Variants in TLK2 observed in about 807,000 individuals in gnomAD.
The protein encoded by TLK2 is serine/threonine-protein kinase tousled-like 2.
Under a neutral mutation model 117.3 loss-of-function variants are expected in TLK2, and 6 were observed. The observed-to-expected ratio is 0.05, with a 90% CI of 0.03 to 0.10. The LOEUF (loss-of-function observed/expected upper bound fraction) is 0.10. Ranked by LOEUF, TLK2 falls within the 10% of genes least tolerant of loss-of-function variation. The pLI is 1.00. For synonymous variants in TLK2, 257 were observed against 316.7 expected (o/e 0.81, Z 2.00); for missense variants, 299 against 901.2 (o/e 0.33, Z 8.56).
At chr17:62,555,270 A>G (rs2078769181) in intron 9 of TLK2, among the ~76,000 whole-genome samples, 1 of 152,078 alleles carries the variant, frequency 6.6e-6, no homozygotes, top group Admixed American at 6.6e-5. Context: ...TTGTTTGAAT[A>G]TATGTTTAAT....
upstream of TLK2, among the ~76,000 whole-genome samples, chr17:62,475,696 G>A (rs1488692732): frequency 1.3e-5 from 2 of 148,864 alleles, no homozygotes; most frequent in East Asian, 4.1e-4. Flanking sequence ...GTCTCGCTCT[G>A]TCACCCAGGC....
chr17:62,546,341 A>ATTTTTTTTTTTTTTT (rs1385208928), intron 7 of TLK2, among the ~76,000 whole-genome samples: 10 of 8,864 alleles, frequency 1.1e-3, no homozygotes, highest in Non-Finnish European at 2.5e-3. Context: ...GAGTTTGTTG[A>ATTTTTTTTTTTTTTT]TTGTTTTTTT....
chr17:62,602,786 T>G (rs1219847709), intron 19 of TLK2, among the ~76,000 whole-genome samples: 1 of 152,228 alleles, frequency 6.6e-6, no homozygotes, highest in Non-Finnish European at 1.5e-5. Flanking sequence ...CCAAGCTACC[T>G]CTGCCTGCCA....
chr17:62,508,603 A>G, intron 2 of TLK2: 3 of 951,628 alleles, frequency 3.2e-6, no homozygotes, highest in Non-Finnish European at 2.5e-6. Flanking sequence ...GTTGTTAGTT[A>G]TATGAAAGTC....
intron 6 of TLK2, among the ~76,000 whole-genome samples, chr17:62,528,482 T>A (rs2076524785): frequency 6.6e-6 from 1 of 152,122 alleles, no homozygotes; most frequent in Non-Finnish European, 1.5e-5. Context: ...AGTGGCGCAA[T>A]CTTGGCTCAC....
intron 1 of TLK2, among the ~76,000 whole-genome samples, chr17:62,471,439 C>G (rs539093100): frequency 6.6e-6 from 1 of 152,292 alleles, no homozygotes; most frequent in South Asian, 2.1e-4. Flanking sequence ...AATGCTCAAT[C>G]TAATTAAGGC....
chr17:62,548,240 A>ATATATATGTG (rs368516607), intron 7 of TLK2, among the ~76,000 whole-genome samples: 94 of 121,288 alleles, frequency 7.8e-4, no homozygotes, highest in Middle Eastern at 4.7e-3. Flanking sequence ...ATATATATAT[A>ATATATATGTG]TGTGTGTGTG....
At chr17:62,508,987 C>G (rs1201285277) in intron 2 of TLK2, among the ~76,000 whole-genome samples, 2 of 151,600 alleles carry the variant, frequency 1.3e-5, no homozygotes, top group Admixed American at 1.3e-4. Flanking sequence ...AACAACAAAA[C>G]CAGAATAGAC....
intron 7 of TLK2, among the ~76,000 whole-genome samples, chr17:62,546,347 T>TTTTTTTTTTTTTTG (rs1555628585): frequency 3.4e-5 from 2 of 59,314 alleles, no homozygotes; most frequent in African/African-American, 9.4e-5. Flanking sequence ...GTTGATTGTT[T>TTTTTTTTTTTTTTG]TTTTTTTTTT....
At chr17:62,525,126 TCC>T (rs1398623189) in intron 6 of TLK2, among the ~76,000 whole-genome samples, 1 of 152,210 alleles carries the variant, frequency 6.6e-6, no homozygotes, top group Non-Finnish European at 1.5e-5. Flanking sequence ...GTGTGCTCTA[TCC>T]CCTAATACCT....
At chr17:62,576,917 T>G (rs1010116415) in intron 13 of TLK2, 142 bp downstream of exon 13, 1 of 601,362 alleles carries the variant, frequency 1.7e-6, no homozygotes, top group Non-Finnish European at 3.0e-6. Context: ...CACTGTCATG[T>G]CTTGTAGCCT....
chr17:62,486,300 G>A (rs1398802787), intron 2 of TLK2, among the ~76,000 whole-genome samples: 1 of 152,064 alleles, frequency 6.6e-6, no homozygotes, highest in Non-Finnish European at 1.5e-5. Flanking sequence ...TAGGACTACA[G>A]GCGTGTGCCA....
rs570697944 is a variant in TLK2 at position 62,564,754 on chromosome 17, A to C, written c.832-247A>C. On this transcript the variant is annotated intron_variant, in intron 10 of 21. Transcript: ENST00000346027. The stretch of plus-strand genomic sequence containing the variant: ...ACCAACCAAACAAACAAAAAACCCC[A>C]CACACACATAGGCAGATTGGGAAAG... Among the ~76,000 whole-genome samples, 25 of 151,942 alleles carry C rather than the reference A, an allele frequency of 1.6e-4. No individual in the cohort carries two copies. In the East Asian group the frequency reaches 3.3e-3, roughly 20 times the overall value.
At position 62,600,838 on chromosome 17, in the gene TLK2, G is replaced by A; in HGVS notation, c.1720+18G>A. ...CAAACCAGGTATGTCTAACTTTTAG[G>A]AGACAGTATTAGTGGGTTTTCTTTG... On this transcript the variant is annotated intron_variant, in intron 18 of 21. Transcript: ENST00000346027. 6.3e-7 allele frequency: 1 copy of A among 1,586,486 alleles called. No homozygotes were observed. The highest frequency in any genetic ancestry group is 8.5e-7 in the Non-Finnish European group (1 of 1,169,592).
intron 7 of TLK2, among the ~76,000 whole-genome samples, chr17:62,548,106 T>G (rs1370543224): frequency 6.6e-6 from 1 of 152,108 alleles, no homozygotes; most frequent in Non-Finnish European, 1.5e-5. Context: ...AGCATGGTGT[T>G]AAGGAAAGTG....
chr17:62,563,003 A>G (rs2079421641), intron 10 of TLK2, among the ~76,000 whole-genome samples: 4 of 152,196 alleles, frequency 2.6e-5, no homozygotes, highest in Admixed American at 1.3e-4. Context: ...TTGTATGAGA[A>G]TATTCATGGG....
intron 16 of TLK2, among the ~76,000 whole-genome samples, chr17:62,592,161 G>A (rs548798884): frequency 4.6e-5 from 7 of 151,802 alleles, no homozygotes; most frequent in East Asian, 1.9e-4. Context: ...GTTTCTCCAC[G>A]TTGGTCAGGC....
chr17:62,496,923 C>T (rs564317695), intron 2 of TLK2, among the ~76,000 whole-genome samples: 1 of 148,556 alleles, frequency 6.7e-6, no homozygotes, highest in East Asian at 2.0e-4. Flanking sequence ...CGCCACTGCA[C>T]TCCAGCCTGG....
chr17:62,559,157 A>G (rs1239455704), intron 9 of TLK2, among the ~76,000 whole-genome samples: 1 of 152,118 alleles, frequency 6.6e-6, no homozygotes, highest in African/African-American at 2.4e-5. Context: ...TTAGCTGTAT[A>G]TTTACATTCT....
Sources: gnomAD v4.1 joint callset for allele counts (sites outside exome capture counted in the v4.1 genomes callset) on GRCh38, gnomAD v4.1.1 for gene constraint, MANE v1.5 for transcripts, NCBI Gene and HGNC (gene_info 2026-07-23, HGNC 2026-07-21) for gene names.